ROBO2: variants seen among roughly 807,000 people sequenced by gnomAD.
ROBO2 encodes the protein roundabout guidance receptor 2.
In ROBO2, 53 loss-of-function variants were observed where a neutral mutation model predicts 160.8. The observed-to-expected ratio is 0.33, with a 90% CI of 0.26 to 0.41. The LOEUF (loss-of-function observed/expected upper bound fraction) is 0.41. Among genes scored for constraint, ROBO2 ranks in the 10% least tolerant of loss-of-function variants. ROBO2 has a pLI of 1.00. For missense variants in ROBO2, 1,577 were observed against 1,722.4 expected (o/e 0.92, Z 1.49); for synonymous variants, 664 against 611.7 (o/e 1.09, Z -1.26).
intron 2 of ROBO2, among the ~76,000 whole-genome samples, chr3:76,033,658 G>A (rs539645539): frequency 6.6e-6 from 1 of 152,154 alleles, no homozygotes; most frequent in East Asian, 1.9e-4. Context: ...TATTGGGTAC[G>A]ATGTCATGAG....
intron 2 of ROBO2, among the ~76,000 whole-genome samples, chr3:76,122,874 A>C (rs1018983667): frequency 9.9e-5 from 15 of 152,084 alleles, no homozygotes; most frequent in African/African-American, 3.1e-4. Context: ...TTTACCTATA[A>C]AAATTGATTT....
At chr3:77,123,416 C>A (rs62251800) in intron 2 of ROBO2, among the ~76,000 whole-genome samples, 1 of 151,826 alleles carries the variant, frequency 6.6e-6, no homozygotes, top group Non-Finnish European at 1.5e-5. Flanking sequence ...TACAAAGGTG[C>A]AAAAACTTTG....
At chr3:77,085,127 A>G (rs1366894204) in intron 1 of ROBO2, among the ~76,000 whole-genome samples, 1 of 150,964 alleles carries the variant, frequency 6.6e-6, no homozygotes, top group Non-Finnish European at 1.5e-5. Flanking sequence ...TTCTTTATCT[A>G]CTAAAATAAC....
rs555896261 is a variant in ROBO2, at chr3:77,135,562, G to T, written c.388+37222G>T. The stretch of plus-strand genomic sequence containing the variant: ...ATTACAGGCATGTGCCACCATATCC[G>T]GCTAATTTTTTTTTTTTTGTATTTT... On this transcript the variant is annotated intron_variant, in intron 2 of 25. Transcript: ENST00000461745. Among the ~76,000 whole-genome samples, 232 of 151,868 alleles carry T rather than the reference G, an allele frequency of 1.5e-3. 1 individual carries two copies. Among genetic ancestry groups the T allele is most frequent in the African/African-American group, 5.3e-3 (221 of 41,402 alleles).
intron 2 of ROBO2, among the ~76,000 whole-genome samples, chr3:76,653,951 A>G (rs1322523586): frequency 6.6e-6 from 1 of 152,130 alleles, no homozygotes; most frequent in East Asian, 1.9e-4. Context: ...CTCACCATAA[A>G]TCTTTGACTT....
intron 2 of ROBO2, among the ~76,000 whole-genome samples, chr3:76,007,045 T>C (rs551462365): frequency 6.6e-6 from 1 of 152,242 alleles, no homozygotes; most frequent in South Asian, 2.1e-4. Context: ...CTACATGTTT[T>C]GATAATTGAC....
intron 2 of ROBO2, among the ~76,000 whole-genome samples, chr3:76,616,237 TC>T (rs2088571565): frequency 6.6e-6 from 1 of 152,248 alleles, no homozygotes; most frequent in African/African-American, 2.4e-5. Flanking sequence ...TTTATCCAAA[TC>T]TAACTTTTCT....
intron 2 of ROBO2, among the ~76,000 whole-genome samples, chr3:76,881,981 G>A (rs770747008): frequency 1.3e-5 from 2 of 150,772 alleles, no homozygotes; most frequent in Admixed American, 6.6e-5. Context: ...GGTTGGTTTT[G>A]TGTGTGTGTG....
At chr3:77,608,633 T>C (rs1382756875) in intron 21 of ROBO2, among the ~76,000 whole-genome samples, 2 of 152,192 alleles carry the variant, frequency 1.3e-5, no homozygotes, top group African/African-American at 4.8e-5. Context: ...GACACTGATA[T>C]TTTTTATCCT....
rs527293733 is a variant in ROBO2, at chr3:76,422,404, T to G, written c.109+484802T>G. 2.6e-5 allele frequency among the ~76,000 whole-genome samples: 4 copies of G among 152,286 alleles called. No homozygotes were observed. In the South Asian group the frequency reaches 8.3e-4, roughly 32 times the overall value. ...AACTGAAGGAAAATGTGGATAAATTTAACTATTTCTACTTGAACAGGTGGG... is the reference window on the plus strand; with the variant it reads ...AACTGAAGGAAAATGTGGATAAATTGAACTATTTCTACTTGAACAGGTGGG... On this transcript the variant is annotated intron_variant, in intron 2 of 26. Coordinates refer to the ROBO2 transcript ENST00000487694.
intron 2 of ROBO2, among the ~76,000 whole-genome samples, chr3:77,324,428 A>G (rs1019942884): frequency 6.6e-6 from 1 of 152,192 alleles, no homozygotes; most frequent in Admixed American, 6.5e-5. Context: ...GGCATCGAGT[A>G]TAAAAGTAGA....
intron 2 of ROBO2, among the ~76,000 whole-genome samples, chr3:77,337,850 T>A (rs761046996): frequency 6.6e-5 from 10 of 152,164 alleles, no homozygotes; most frequent in Non-Finnish European, 1.2e-4. Context: ...GTATGGATAA[T>A]CAGTAAAATC....
chr3:77,121,514 G>A (rs539428705), intron 2 of ROBO2, among the ~76,000 whole-genome samples: 1 of 152,042 alleles, frequency 6.6e-6, no homozygotes, highest in Non-Finnish European at 1.5e-5. Context: ...GACCTCTCTT[G>A]GGTTCTCTGT....
chr3:76,981,381 T>C (rs1245830044), intron 2 of ROBO2, among the ~76,000 whole-genome samples: 2 of 152,180 alleles, frequency 1.3e-5, no homozygotes, highest in Non-Finnish European at 2.9e-5. Context: ...ATCATAGTGG[T>C]TGTGAAGTGA....
chr3:77,403,868 G>A (rs2153514760), intron 2 of ROBO2, among the ~76,000 whole-genome samples: 1 of 152,074 alleles, frequency 6.6e-6, no homozygotes. Context: ...GACCAATGGA[G>A]AGAGTTTTTT....
intron 2 of ROBO2, among the ~76,000 whole-genome samples, chr3:77,457,357 A>G (rs1377012668): frequency 1.3e-5 from 2 of 152,184 alleles, no homozygotes; most frequent in East Asian, 3.8e-4. Flanking sequence ...GCTATATAAT[A>G]GGGAGGACAA....
intron 2 of ROBO2, among the ~76,000 whole-genome samples, chr3:76,503,669 A>G (rs1338080761): frequency 6.6e-6 from 1 of 152,218 alleles, no homozygotes; most frequent in African/African-American, 2.4e-5. Context: ...CCTGGAACAT[A>G]TTATGTTAAG....
chr3:77,646,164 AG>A (rs2095411336), exon 26 of ROBO2: 1 of 713,350 alleles, frequency 1.4e-6, no homozygotes, highest in Non-Finnish European at 2.3e-6. Context: ...TACTATTAAA[AG>A]AACTGTAAAT....
At chr3:75,984,651 A>G (rs1440688434) in intron 2 of ROBO2, among the ~76,000 whole-genome samples, 1 of 151,510 alleles carries the variant, frequency 6.6e-6, no homozygotes, top group Non-Finnish European at 1.5e-5. Flanking sequence ...TGCTATGTAC[A>G]TGCATACATC....
Sources: gnomAD v4.1 joint callset for allele counts (sites outside exome capture counted in the v4.1 genomes callset) on GRCh38, gnomAD v4.1.1 for gene constraint, MANE v1.5 for transcripts, NCBI Gene and HGNC (gene_info 2026-07-23, HGNC 2026-07-21) for gene names.